Variants in UIMC1 observed in about 807,000 individuals in gnomAD.
The protein encoded by UIMC1 is BRCA1-A complex subunit RAP80.
In UIMC1, 42 loss-of-function variants were observed where a neutral mutation model predicts 84.9. The ratio of observed to expected loss-of-function variants is 0.49; its 90% CI spans 0.39 to 0.64. UIMC1 has a LOEUF of 0.64. Ranked by LOEUF, UIMC1 falls within the 30% of genes least tolerant of loss-of-function variation. The pLI, the probability that UIMC1 is intolerant of heterozygous loss-of-function variation, is 0.00. For missense variants in UIMC1, 825 were observed against 847.6 expected, an observed-to-expected ratio of 0.97 and a Z score of 0.33; for synonymous variants, 281 against 293.0, an observed-to-expected ratio of 0.96 and a Z score of 0.42.
chr5:177,017,814 A>C, intron 1 of UIMC1, among the ~76,000 whole-genome samples: 1 of 151,244 alleles, frequency 6.6e-6, no homozygotes, highest in East Asian at 2.0e-4. Flanking sequence ...CACCACACCC[A>C]GCTAATTTTT....
At chr5:176,929,887 A>G (rs2149421631) in intron 10 of UIMC1, among the ~76,000 whole-genome samples, 1 of 152,330 alleles carries the variant, frequency 6.6e-6, no homozygotes, top group East Asian at 1.9e-4. Flanking sequence ...AGAATCATCA[A>G]TGGCAGTCAA....
chr5:176,979,211 T>C (rs1418891113), intron 2 of UIMC1, among the ~76,000 whole-genome samples: 1 of 152,226 alleles, frequency 6.6e-6, no homozygotes, highest in Non-Finnish European at 1.5e-5. Context: ...ATATGTCTAA[T>C]CACCAATACT....
At chr5:176,915,240 T>A (rs1206800762) in intron 10 of UIMC1, among the ~76,000 whole-genome samples, 2 of 106,764 alleles carry the variant, frequency 1.9e-5, no homozygotes, top group African/African-American at 1.0e-4. Context: ...TTATTTTGTT[T>A]CTTTTTTTTT....
intron 3 of UIMC1, among the ~76,000 whole-genome samples, chr5:176,973,129 T>C (rs541396810): frequency 2.4e-4 from 36 of 151,994 alleles, no homozygotes; most frequent in Non-Finnish European, 4.3e-4. Flanking sequence ...TTGGCCAGGC[T>C]GGTCTCAAAC....
chr5:176,922,675 C>T (rs1195419511), intron 10 of UIMC1, among the ~76,000 whole-genome samples: 4 of 152,142 alleles, frequency 2.6e-5, no homozygotes, highest in Admixed American at 6.5e-5. Context: ...TTTGTCTATA[C>T]AATTTCATCT....
Position 176,969,681 on chromosome 5 carries a change from G to A in UIMC1, c.383C>T (p.Ala128Val), listed in dbSNP as rs1183581942. The A allele has an allele frequency of 3.1e-6, 5 of 1,614,022 alleles. No individual in the cohort carries two copies. The African/African-American group carries it at 6.7e-5, about 22-fold the overall frequency. Residue 128 changes from alanine (A) to valine (V), a missense_variant, in exon 5 of 15, where the codon GCT (alanine) becomes GTT (valine). By Grantham distance (64) the Ala-to-Val change is moderately conservative. Transcript: ENST00000511320. ...LNSCRPSDAS[A>V]TRSRPLATGP... ...AGTGGCCAGAGGTCGAGATCTGGTA[G>A]CGGAAGCATCAGAAGGCCGGCAACT... is the stretch of plus-strand genomic sequence containing the variant.
At chr5:176,983,996 G>A (rs1425377546) in intron 1 of UIMC1, among the ~76,000 whole-genome samples, 8 of 128,096 alleles carry the variant, frequency 6.2e-5, no homozygotes, top group East Asian at 2.5e-4. Context: ...GCCTCTGCCC[G>A]GCCGCCCCGT....
At chr5:176,906,773 A>C (rs1759442757) in intron 13 of UIMC1, among the ~76,000 whole-genome samples, 1 of 152,234 alleles carries the variant, frequency 6.6e-6, no homozygotes. Context: ...AATAGAAGGA[A>C]GCAATAATGT....
At chr5:176,952,081 A>T (rs879029449) in intron 8 of UIMC1, among the ~76,000 whole-genome samples, 1 of 152,238 alleles carries the variant, frequency 6.6e-6, no homozygotes, top group Admixed American at 6.5e-5. Context: ...TCAATAGTTC[A>T]TACTTTTTGC....
rs543509175 is a variant in UIMC1, at chr5:176,914,970, G to A, written c.1598-3581C>T. 3.3e-4 allele frequency among the ~76,000 whole-genome samples: 50 copies of A among 152,274 alleles called. 1 individual carries two copies. Among genetic ancestry groups the A allele is most frequent in the African/African-American group, 1.2e-3 (49 of 41,558 alleles). On this transcript the variant is annotated intron_variant, in intron 10 of 14. Coordinates refer to ENST00000511320, the MANE Select transcript of UIMC1 (RefSeq NM_001199298.2). The stretch of plus-strand genomic sequence containing the variant: ...GCTAAAATCCATTCTTAAAAGGCTG[G>A]CACCTCAAAGATTACAGAATCCTTT...
chr5:176,911,389 A>G lies in UIMC1; in HGVS notation c.1598T>C (p.Val533Ala), dbSNP rs1760193960. 5 of 1,577,600 alleles carry G rather than the reference A, an allele frequency of 3.2e-6. No individual in the cohort carries two copies. The African/African-American group carries it at 4.1e-5, about 13-fold the overall frequency. ...GGCCTCTTTTTGTCTCCGAGTCAATACTTTTAATATAAAAAATATATATAT... is the reference window on the plus strand; with the variant it reads ...GGCCTCTTTTTGTCTCCGAGTCAATGCTTTTAATATAAAAAATATATATAT... ...YCNGLMEEDTVLTRRQKEAKT... is the reference protein window; with the variant it reads ...YCNGLMEEDTALTRRQKEAKT... Residue 533 changes from valine to alanine, a missense_variant and splice_region_variant, in exon 11 of 15, where the codon GTA (valine) becomes GCA (alanine). Physicochemically the swap from Val to Ala is moderately conservative, Grantham distance 64. Coordinates refer to ENST00000511320, the MANE Select transcript of UIMC1 (RefSeq NM_001199298.2).
chr5:176,905,228 A>G lies in UIMC1; in HGVS notation c.*54T>C. 6.3e-7 allele frequency: 1 copy of G among 1,589,104 alleles called. No homozygotes were observed. The highest frequency in any genetic ancestry group is 1.7e-5 in the Admixed American group (1 of 58,566). On this transcript the variant is annotated 3_prime_UTR_variant, in exon 15 of 15. Transcript: ENST00000511320. ...AACTAGGGACCACTATGGCTTAATG[A>G]ACATGGCCCACCCCTCCTACTAATG...
chr5:176,907,199 G>A (rs1463863170), intron 12 of UIMC1, 22 bp from the exon 13 acceptor site: 1 of 1,605,610 alleles, frequency 6.2e-7, no homozygotes, highest in South Asian at 1.1e-5. Flanking sequence ...AAAAACAGAT[G>A]AAAAGGTTAC....
chr5:176,917,186 G>A (rs1761084056), intron 10 of UIMC1, among the ~76,000 whole-genome samples: 2 of 152,186 alleles, frequency 1.3e-5, no homozygotes, highest in Non-Finnish European at 2.9e-5. Context: ...AAGGGAAGAC[G>A]AGCTCCACCT....
Position 176,908,704 on chromosome 5 carries a change from A to G in UIMC1, c.1677-10T>C. ...GTAACACTTCTCATTCCTATCCAAT[A>G]AGAAAAAAGGAAGAAAACACAGTTT... On this transcript the variant is annotated splice_polypyrimidine_tract_variant and intron_variant, in intron 11 of 14. Coordinates refer to ENST00000511320, the MANE Select transcript of UIMC1 (RefSeq NM_001199298.2). 1 of 1,606,556 alleles carries G rather than the reference A, an allele frequency of 6.2e-7. No homozygotes were observed.
At chr5:176,976,641 A>T (rs1770118039) in intron 2 of UIMC1, among the ~76,000 whole-genome samples, 1 of 152,244 alleles carries the variant, frequency 6.6e-6, no homozygotes, top group Non-Finnish European at 1.5e-5. Flanking sequence ...AAATGAATGT[A>T]CCTTGAAAAT....
chr5:177,012,586 G>A (rs546712860), intron 1 of UIMC1, among the ~76,000 whole-genome samples: 58 of 151,782 alleles, frequency 3.8e-4, no homozygotes, highest in African/African-American at 1.3e-3. Flanking sequence ...CCAACTACTC[G>A]GGAGGCTGAG....
At chr5:176,959,946 G>A (rs1250174891) in intron 6 of UIMC1, among the ~76,000 whole-genome samples, 3 of 152,034 alleles carry the variant, frequency 2.0e-5, no homozygotes, top group African/African-American at 7.2e-5. Context: ...CAGGAGAATC[G>A]CTTGAACCCA....
intron 1 of UIMC1, among the ~76,000 whole-genome samples, chr5:176,992,594 G>T (rs1773043640): frequency 6.6e-6 from 1 of 151,376 alleles, no homozygotes; most frequent in African/African-American, 2.4e-5. Context: ...AGAAGCCACA[G>T]AATGACAATC....
Sources: gnomAD v4.1 joint callset for allele counts (sites outside exome capture counted in the v4.1 genomes callset) on GRCh38, gnomAD v4.1.1 for gene constraint, MANE v1.5 for transcripts, NCBI Gene and HGNC (gene_info 2026-07-23, HGNC 2026-07-21) for gene names.